Variants in REEP6 observed in about 807,000 individuals in gnomAD.
REEP6 encodes the protein receptor accessory protein 6.
A neutral mutation model predicts 22.4 loss-of-function variants in REEP6; 19 were observed. The ratio of observed to expected loss-of-function variants is 0.85; its 90% CI spans 0.59 to 1.25. REEP6 has a LOEUF of 1.25. REEP6 is among the 50% of genes most tolerant of loss of function. The probability of loss-of-function intolerance (pLI) is 0.00; values close to 1 mark genes in which losing one functional copy is unlikely to be tolerated. For missense variants in REEP6, 273 were observed against 251.9 expected, an observed-to-expected ratio of 1.08 and a Z score of -0.57; for synonymous variants, 121 against 113.6, an observed-to-expected ratio of 1.06 and a Z score of -0.41.
At chr19:1,496,243 G>A in intron 3 of REEP6, 42 bp from the exon 4 acceptor site, 1 of 1,574,046 alleles carries the variant, frequency 6.4e-7, no homozygotes, top group Non-Finnish European at 8.6e-7. Flanking sequence ...CAGGGGCACA[G>A]AGCTGGGTGG....
chr19:1,496,602 C>G (rs2085009266), intron 4 of REEP6, 149 bp downstream of exon 4: 1 of 1,057,300 alleles, frequency 9.5e-7, no homozygotes, highest in Non-Finnish European at 1.4e-6. Context: ...CTTGCAGGTC[C>G]TGGCCCGTAG....
In REEP6 at chr19:1,497,515, A is replaced by G; in HGVS notation, c.*304A>G. 1.5e-6 allele frequency: 1 copy of G among 661,182 alleles called. No individual in the cohort carries two copies. The highest frequency in any genetic ancestry group is 2.9e-6 in the Non-Finnish European group (1 of 348,974). The allele number at this position is 661,182 out of a possible 1,614,324, so 41.0% of individuals were successfully genotyped here. On this transcript the variant is annotated 3_prime_UTR_variant, in exon 5 of 5. Transcript: ENST00000233596. This position sits in a 1 kb window ranked among gnomAD's most constrained non-coding sequence, Gnocchi z 6.5. ...CAGGGCAGCTCCCACTGGTCTCGGCAACACACCCAGCCGCCTGGTACTTCC... is the reference window on the plus strand; with the variant it reads ...CAGGGCAGCTCCCACTGGTCTCGGCGACACACCCAGCCGCCTGGTACTTCC...
intron 2 of REEP6, 31 bp downstream of exon 2, chr19:1,495,418 G>A (rs1411562162): frequency 1.2e-6 from 2 of 1,613,794 alleles, no homozygotes; most frequent in South Asian, 1.1e-5. Flanking sequence ...CCACGCGGGG[G>A]GTTCTGGGGG....
chr19:1,491,529 G>T lies in REEP6; in HGVS notation c.115+145G>T. 2 of 487,748 alleles carry T rather than the reference G, an allele frequency of 4.1e-6. No homozygotes were observed. Among genetic ancestry groups the T allele is most frequent in the Non-Finnish European group, 3.4e-6 (1 of 293,446 alleles). 30.2% of individuals were successfully genotyped at this position (487,748 alleles called of 1,614,324 possible). ...GTGACTGGGACCTCGAGGTCCGCCC[G>T]CAGCCCTTCCCTTGCCCGCGCCCTG... On this transcript the variant is annotated intron_variant, in intron 1 of 4. Transcript: ENST00000233596. The surrounding 1 kb of genome is among the most constrained non-coding windows in gnomAD (Gnocchi z 5.4).
chr19:1,495,419 G>C, intron 2 of REEP6, 32 bp downstream of exon 2: 1 of 1,613,774 alleles, frequency 6.2e-7, no homozygotes, highest in Non-Finnish European at 8.5e-7. Flanking sequence ...CACGCGGGGG[G>C]TTCTGGGGGC....
intron 4 of REEP6, chr19:1,496,706 GT>G (rs1390856344): frequency 2.9e-6 from 2 of 681,988 alleles, no homozygotes; most frequent in Admixed American, 2.1e-5. Flanking sequence ...GGAGCTGTGT[GT>G]GTGTGTGTGT....
rs1156406927 is a variant in REEP6 at position 1,491,392 on chromosome 19, G to T, written c.115+8G>T. On this transcript the variant is annotated splice_region_variant and intron_variant, in intron 1 of 4. Transcript: ENST00000233596. This position sits in a 1 kb window ranked among gnomAD's most constrained non-coding sequence, Gnocchi z 5.4. The stretch of plus-strand genomic sequence containing the variant: ...AGCGGTATCTGGCTGCAGGTGAGCC[G>T]TCGGCGCTAGCCCGTTTCGCCGACG... The T allele has an allele frequency of 7.0e-7, 1 of 1,432,386 alleles. No individual in the cohort carries two copies. The highest frequency in any genetic ancestry group is 9.2e-7 in the Non-Finnish European group (1 of 1,092,078). 88.7% of individuals were successfully genotyped at this position (1,432,386 alleles called of 1,614,324 possible).
chr19:1,494,108 C>T (rs1429082732), intron 1 of REEP6, among the ~76,000 whole-genome samples: 2 of 152,118 alleles, frequency 1.3e-5, no homozygotes, highest in Non-Finnish European at 2.9e-5. Flanking sequence ...TGCAGAAAGG[C>T]GTTCTCTCTG....
chr19:1,496,235 G>GGGGCA (rs763824486), intron 3 of REEP6, 50 bp from the exon 4 acceptor site: 1 of 1,561,768 alleles, frequency 6.4e-7, no homozygotes, highest in African/African-American at 1.3e-5. Flanking sequence ...CTCCCCACCA[G>GGGGCA]GGGCACAGAG....
At chr19:1,493,858 C>T (rs563687735) in intron 1 of REEP6, among the ~76,000 whole-genome samples, 6 of 152,252 alleles carry the variant, frequency 3.9e-5, no homozygotes, top group East Asian at 1.9e-4. Context: ...GAGGCCAAGG[C>T]GGGCGGATCA....
Position 1,497,178 on chromosome 19 carries a change from G to A in REEP6, c.522G>A (p.Lys174=). Residue 174 remains lysine, a synonymous_variant, in exon 5 of 5, where the codon AAG becomes AAA. Transcript: ENST00000233596. The surrounding 1 kb of genome is among the most constrained non-coding windows in gnomAD (Gnocchi z 6.5). The stretch of plus-strand genomic sequence containing the variant: ...CACCCGCCCCTCTCTCTGCAGTCAA[G>A]CCAAGCCAGACCCCGCAGCCGAAGG... ...DAAAGITRNV[K]PSQTPQPKDK The A allele has an allele frequency of 1.9e-6, 2 of 1,057,462 alleles. No homozygotes were observed. Among genetic ancestry groups the A allele is most frequent in the East Asian group, 3.7e-5 (1 of 26,782 alleles). 65.5% of individuals were successfully genotyped at this position (1,057,462 alleles called of 1,614,324 possible).
chr19:1,494,300 C>T (rs1367151498), intron 1 of REEP6, among the ~76,000 whole-genome samples: 1 of 152,094 alleles, frequency 6.6e-6, no homozygotes, highest in African/African-American at 2.4e-5. Context: ...ACAGGAGGTT[C>T]TCAAAGGGGG....
At position 1,491,357 on chromosome 19, in the gene REEP6, G is replaced by A. The variant is rs781223650; in HGVS notation, c.88G>A (p.Gly30Arg). ...GCTGGGGGCGCTGGAGGCCAAGACC[G>A]GGGTGGAGAAGCGGTATCTGGCTGC... ...EVLGALEAKT[G>R]VEKRYLAAGA... Residue 30 changes from glycine to arginine, a missense_variant, in exon 1 of 5, where the codon GGG becomes AGG. Coordinates refer to ENST00000233596, the MANE Select transcript of REEP6 (RefSeq NM_138393.4). The surrounding 1 kb of genome is among the most constrained non-coding windows in gnomAD (Gnocchi z 5.4). The A allele has an allele frequency of 4.1e-6, 6 of 1,474,692 alleles. No individual in the cohort carries two copies. The highest frequency in any genetic ancestry group is 1.3e-5 in the South Asian group (1 of 75,074). 91.4% of individuals were successfully genotyped at this position (1,474,692 alleles called of 1,614,324 possible). A position where few individuals can be genotyped will look rare whatever the true frequency, so the allele number is the denominator to read the frequency against.
Position 1,491,576 on chromosome 19 carries a change from C to G in REEP6, c.115+192C>G, listed in dbSNP as rs1010559982. Among the ~76,000 whole-genome samples, 1 of 152,108 alleles carries G rather than the reference C, an allele frequency of 6.6e-6. No individual in the cohort carries two copies. Among genetic ancestry groups the G allele is most frequent in the African/African-American group, 2.4e-5 (1 of 41,430 alleles). ...CCTGCGACCCTGCTCCCGGGCCACC[C>G]CTCTCTAGCTTCCGCCCCTGGCCGC... is the stretch of plus-strand genomic sequence containing the variant. On this transcript the variant is annotated intron_variant, in intron 1 of 4. Transcript: ENST00000233596. This position sits in a 1 kb window ranked among gnomAD's most constrained non-coding sequence, Gnocchi z 5.4.
chr19:1,494,337 G>T (rs1216567219), intron 1 of REEP6, among the ~76,000 whole-genome samples: 1 of 152,104 alleles, frequency 6.6e-6, no homozygotes, highest in East Asian at 1.9e-4. Flanking sequence ...CCCGCCCCAG[G>T]GGACACTGGG....
At chr19:1,496,745 T>G in intron 4 of REEP6, 1 of 638,370 alleles carries the variant, frequency 1.6e-6, no homozygotes, top group Non-Finnish European at 2.9e-6. Context: ...TGTTTGAGCG[T>G]ATGTTTGCTG....
In REEP6 at chr19:1,495,182, T is replaced by G; in HGVS notation, c.116-112T>G. The G allele has an allele frequency of 4.0e-6, 4 of 990,134 alleles. No individual in the cohort carries two copies. The South Asian group carries it at 5.4e-5, about 13-fold the overall frequency. The allele number at this position is 990,134 out of a possible 1,614,324, so 61.3% of individuals were successfully genotyped here. A position where few individuals can be genotyped will look rare whatever the true frequency, so the allele number is the denominator to read the frequency against. On this transcript the variant is annotated intron_variant, in intron 1 of 4. Transcript: ENST00000233596. The stretch of plus-strand genomic sequence containing the variant: ...GCAGTGGACATATCCTGGAGGCGGC[T>G]CCTGGGAGGAGGTGACGGTTGCAGT...
chr19:1,495,881 C>G, intron 3 of REEP6: 1 of 576,660 alleles, frequency 1.7e-6, no homozygotes, highest in Non-Finnish European at 3.1e-6. Flanking sequence ...GAGGGCCCAC[C>G]CTGAAGGGTG....
In REEP6 at chr19:1,497,728, C is replaced by T. The variant is rs931944217; in HGVS notation, c.*517C>T. 8 of 471,476 alleles carry T rather than the reference C, an allele frequency of 1.7e-5. No homozygotes were observed. Among genetic ancestry groups the T allele is most frequent in the South Asian group, 3.1e-5 (2 of 64,570 alleles). The allele number at this position is 471,476 out of a possible 1,614,324, so 29.2% of individuals were successfully genotyped here. The stretch of plus-strand genomic sequence containing the variant: ...ACCAGCGGACAGCGCCAGAAGGAAT[C>T]GTCGAAACAGCCTGCCAGCAGCGCC... On this transcript the variant is annotated 3_prime_UTR_variant, in exon 5 of 5. Transcript: ENST00000233596. This position sits in a 1 kb window ranked among gnomAD's most constrained non-coding sequence, Gnocchi z 6.5.
Sources: gnomAD v4.1 joint callset for allele counts (sites outside exome capture counted in the v4.1 genomes callset) on GRCh38, gnomAD v4.1.1 for gene constraint, Gnocchi (gnomAD v3.1) non-coding constraint, MANE v1.5 for transcripts, NCBI Gene and HGNC (gene_info 2026-07-23, HGNC 2026-07-21) for gene names.